GSK3B: variants seen among roughly 807,000 people sequenced by gnomAD.
GSK3B encodes glycogen synthase kinase 3 beta.
Under a neutral mutation model 56.4 loss-of-function variants are expected in GSK3B, and 15 were observed. That is an observed-to-expected ratio of 0.27 (90% CI 0.18 to 0.41). The LOEUF is 0.41. GSK3B is among the 10% of genes least tolerant of loss of function. GSK3B has a pLI of 1.00. For synonymous variants in GSK3B, 181 were observed against 188.9 expected (o/e 0.96, Z 0.34); for missense variants, 300 against 513.4 (o/e 0.58, Z 4.02).
At chr3:119,874,289 C>T (rs928378686) in intron 8 of GSK3B, among the ~76,000 whole-genome samples, 17 of 152,120 alleles carry the variant, frequency 1.1e-4, no homozygotes, top group African/African-American at 3.1e-4. Context: ...GTACTAAACC[C>T]TACATATACT....
At chr3:119,917,527 A>C (rs1285056870) in intron 4 of GSK3B, among the ~76,000 whole-genome samples, 2 of 152,120 alleles carry the variant, frequency 1.3e-5, no homozygotes, top group Non-Finnish European at 2.9e-5. Flanking sequence ...GTAGGAGTTT[A>C]ATTCATTACC....
intron 2 of GSK3B, among the ~76,000 whole-genome samples, chr3:119,949,793 CAAAAAAAAAA>C (rs927567102): frequency 2.4e-4 from 15 of 62,320 alleles, no homozygotes; most frequent in Middle Eastern, 8.8e-3. Context: ...GACTCCGTCT[CAAAAAAAAAA>C]AAAAAAAAAA....
Position 119,866,471 on chromosome 3 carries a change from C to T in GSK3B, c.910-2866G>A, listed in dbSNP as rs193017963. On this transcript the variant is annotated intron_variant, in intron 8 of 10. Transcript: ENST00000264235. ...TGAATAAAAACAGAAATCACAGCTA[C>T]TTACATTGTTTACTATTACATTTCA... The T allele has an allele frequency of 1.1e-4, 86 of 751,976 alleles. No homozygotes were observed. The East Asian group carries it at 1.6e-3, about 14-fold the overall frequency. The allele number at this position is 751,976 out of a possible 1,614,324, so 46.6% of individuals were successfully genotyped here.
intron 1 of GSK3B, among the ~76,000 whole-genome samples, chr3:120,075,973 A>G (rs2058364223): frequency 2.0e-5 from 3 of 152,202 alleles, no homozygotes; most frequent in African/African-American, 7.2e-5. Context: ...AGTTAAAATT[A>G]AATTACAAAG....
At chr3:119,932,735 A>G (rs2056958775) in intron 3 of GSK3B, among the ~76,000 whole-genome samples, 1 of 152,174 alleles carries the variant, frequency 6.6e-6, no homozygotes. Flanking sequence ...GCTACACATG[A>G]TAAAAGCCTG....
At chr3:119,966,737 G>C (rs1424784697) in intron 2 of GSK3B, among the ~76,000 whole-genome samples, 3 of 151,908 alleles carry the variant, frequency 2.0e-5, no homozygotes, top group Admixed American at 1.3e-4. Flanking sequence ...TTTATCTCAG[G>C]GTGATCTTTA....
intron 1 of GSK3B, among the ~76,000 whole-genome samples, chr3:120,064,363 C>T (rs1181265404): frequency 6.6e-6 from 1 of 151,690 alleles, no homozygotes; most frequent in Non-Finnish European, 1.5e-5. Context: ...AATTTTTATA[C>T]ACTAACAATA....
chr3:119,956,390 CATT>C (rs2057215280), intron 2 of GSK3B, among the ~76,000 whole-genome samples: 1 of 152,176 alleles, frequency 6.6e-6, no homozygotes, highest in South Asian at 2.1e-4. Context: ...GTTGAATACA[CATT>C]ATCCGAAATG....
rs1344666045 is a variant in GSK3B, at chr3:120,032,286, C to A, written c.89-30047G>T. On this transcript the variant is annotated intron_variant, in intron 1 of 10. Transcript: ENST00000264235. ...GGTTAGGAGTTCAATATCAGCCTGGCCGATATGGTGAAACCCCGTCTCTAC... is the reference window on the plus strand; with the variant it reads ...GGTTAGGAGTTCAATATCAGCCTGGACGATATGGTGAAACCCCGTCTCTAC... Among the ~76,000 whole-genome samples the A allele has an allele frequency of 2.0e-5, 3 of 152,176 alleles. No homozygotes were observed. In the East Asian group the frequency reaches 5.8e-4, roughly 29 times the overall value.
chr3:119,921,182 A>T (rs6438553), intron 4 of GSK3B, among the ~76,000 whole-genome samples: 80,858 of 152,108 alleles, frequency 0.53, 24,683 homozygotes, highest in African/African-American at 0.85. Context: ...GCTATGGAAT[A>T]GACTATTATA....
intron 7 of GSK3B, among the ~76,000 whole-genome samples, chr3:119,892,838 G>T (rs1350591982): frequency 6.6e-6 from 1 of 152,070 alleles, no homozygotes; most frequent in Non-Finnish European, 1.5e-5. Context: ...GGAGTGTTGG[G>T]TTGTGTTAGA....
At position 120,093,613 on chromosome 3, in the gene GSK3B, C is replaced by G. The variant is rs371021532; in HGVS notation, c.-179G>C. The G allele has an allele frequency of 1.9e-6, 1 of 525,594 alleles. No individual in the cohort carries two copies. Among genetic ancestry groups the G allele is most frequent in the South Asian group, 2.9e-5 (1 of 34,946 alleles). The allele number at this position is 525,594 out of a possible 1,614,324, so 32.6% of individuals were successfully genotyped here. On this transcript the variant is annotated 5_prime_UTR_variant, in exon 1 of 11. Coordinates refer to ENST00000264235, the MANE Select transcript of GSK3B (RefSeq NM_001146156.2). ...TGTATACTATAAAAAACAAAACAAGCGATATATTTCTCCTTCAAGACAGAT... is the reference window on the plus strand; with the variant it reads ...TGTATACTATAAAAAACAAAACAAGGGATATATTTCTCCTTCAAGACAGAT...
Position 120,027,066 on chromosome 3 carries a change from C to CA in GSK3B, c.89-24828dup, listed in dbSNP as rs757528334. On this transcript the variant is annotated intron_variant, in intron 1 of 10. Transcript: ENST00000264235. ...AGTCTGAGCCACAGGGCAAGACTTC[C>CA]AAAAAAAAAAAAAAAGCAGCAGGAA... Among the ~76,000 whole-genome samples, 760 of 87,510 alleles carry CA rather than the reference C, an allele frequency of 8.7e-3. 6 individuals carry two copies. Among genetic ancestry groups the CA allele is most frequent in the Admixed American group, 0.022 (179 of 8,028 alleles). The allele number at this position is 87,510 out of a possible 152,430, so 57.4% of individuals were successfully genotyped here. A position where few individuals can be genotyped will look rare whatever the true frequency, so the allele number is the denominator to read the frequency against.
At chr3:120,060,497 CG>C (rs1232602830) in intron 1 of GSK3B, among the ~76,000 whole-genome samples, 5 of 151,860 alleles carry the variant, frequency 3.3e-5, no homozygotes, top group Admixed American at 6.6e-5. Flanking sequence ...GGAGCCGAGG[CG>C]GGAGAATCAC....
At chr3:120,075,898 A>AC (rs1294330639) in intron 1 of GSK3B, among the ~76,000 whole-genome samples, 2 of 152,126 alleles carry the variant, frequency 1.3e-5, no homozygotes, top group African/African-American at 4.8e-5. Flanking sequence ...ACATGGAACC[A>AC]CCAGACTCTG....
At chr3:120,040,772 T>C (rs1345624878) in intron 1 of GSK3B, among the ~76,000 whole-genome samples, 1 of 151,706 alleles carries the variant, frequency 6.6e-6, no homozygotes. Context: ...CTAAAGACCA[T>C]CACATGGGAT....
intron 1 of GSK3B, among the ~76,000 whole-genome samples, chr3:120,090,807 CAAACTTGTACAG>C (rs2058505995): frequency 6.6e-6 from 1 of 152,172 alleles, no homozygotes; most frequent in Admixed American, 6.5e-5. Context: ...GAATCTCAAT[CAAACTTGTACAG>C]AACCCCTCTG....
chr3:119,910,936 AT>A (rs1331677322), intron 6 of GSK3B, among the ~76,000 whole-genome samples: 1 of 152,192 alleles, frequency 6.6e-6, no homozygotes, highest in Non-Finnish European at 1.5e-5. Context: ...GTTCAGTCAC[AT>A]CTTCAGGCTC....
At chr3:120,082,371 C>CAAATTAGT in intron 1 of GSK3B, among the ~76,000 whole-genome samples, 1 of 143,220 alleles carries the variant, frequency 7.0e-6, no homozygotes, top group East Asian at 2.1e-4. Context: ...GTGGCTAGCC[C>CAAATTAGT]AAATTAGTAT....
Sources: allele counts gnomAD v4.1 joint callset (sites outside exome capture counted in the v4.1 genomes callset), GRCh38; gene constraint gnomAD v4.1.1; transcripts MANE v1.5; gene names NCBI Gene and HGNC (gene_info 2026-07-23, HGNC 2026-07-21).